The following BTAF1 variants were observed in gnomAD, a reference collection of about 807,000 sequenced individuals.
The protein encoded by BTAF1 is B-TFIID TATA-box binding protein associated factor 1, also known as TATA-binding protein-associated factor 172.
BTAF1 carries 38 observed loss-of-function variants against 227.1 expected under a neutral mutation model. The observed-to-expected ratio is 0.17, with a 90% CI of 0.13 to 0.22. BTAF1 has a LOEUF of 0.22. BTAF1 is among the 10% of genes least tolerant of loss of function. BTAF1 has a pLI of 1.00. For synonymous variants in BTAF1, 742 were observed against 751.9 expected, an observed-to-expected ratio of 0.99 and a Z score of 0.21; for missense variants, 1,598 against 2,204.0, an observed-to-expected ratio of 0.73 and a Z score of 5.51.
intron 33 of BTAF1, 34 bp downstream of exon 33, chr10:92,016,499 G>A: frequency 7.0e-7 from 1 of 1,422,814 alleles, no homozygotes; most frequent in Non-Finnish European, 9.4e-7. Flanking sequence ...TTTTTTTTGA[G>A]ATGGAATTTC....
intron 4 of BTAF1, among the ~76,000 whole-genome samples, chr10:91,950,153 G>A (rs796167824): frequency 3.3e-5 from 3 of 89,968 alleles, no homozygotes; most frequent in Admixed American, 1.2e-4. Flanking sequence ...CTTTGTGGGG[G>A]GGGGCGGGAA....
chr10:91,925,312 C>T (rs1843748726), intron 1 of BTAF1, among the ~76,000 whole-genome samples: 2 of 152,006 alleles, frequency 1.3e-5, no homozygotes, highest in South Asian at 4.1e-4. Context: ...TAATTTGTTA[C>T]CTCCCATATA....
chr10:91,956,236 T>C (rs1309895732), intron 6 of BTAF1, among the ~76,000 whole-genome samples: 2 of 152,118 alleles, frequency 1.3e-5, no homozygotes, highest in Non-Finnish European at 2.9e-5. Context: ...ATGAGCTGAT[T>C]GTAGAGAGGA....
At position 91,984,377 on chromosome 10, in the gene BTAF1, T is replaced by G. The variant is rs1410211686; in HGVS notation, c.2400T>G (p.Val800=). ...TTGGTAATCGAGTAAACAACAATGT[T>G]TTAACAATAGATCAAGCTAGTGACT... is the stretch of plus-strand genomic sequence containing the variant. ...IEVGNRVNNN[V]LTIDQASDLV... The change falls in exon 19 of 38, where the codon GTT becomes GTG. Residue 800 remains valine (V), a synonymous_variant. Coordinates refer to ENST00000265990, the MANE Select transcript of BTAF1 (RefSeq NM_003972.3). 1 of 1,611,818 alleles carries G rather than the reference T, an allele frequency of 6.2e-7. No individual in the cohort carries two copies. Among genetic ancestry groups the G allele is most frequent in the Admixed American group, 1.7e-5 (1 of 59,890 alleles).
At chr10:91,956,378 A>T in intron 6 of BTAF1, 150 bp from the exon 7 acceptor site, 4 of 1,017,954 alleles carry the variant, frequency 3.9e-6, no homozygotes, top group Non-Finnish European at 5.4e-6. Flanking sequence ...TTTTAAGTAA[A>T]TCATATAAGC....
chr10:92,026,220 C>T (rs966499934), intron 35 of BTAF1, among the ~76,000 whole-genome samples: 3 of 152,096 alleles, frequency 2.0e-5, no homozygotes, highest in African/African-American at 7.2e-5. Context: ...CACCTTCTGT[C>T]GTCCCTGAAT....
At chr10:91,998,530 G>C (rs946633865) in intron 25 of BTAF1, among the ~76,000 whole-genome samples, 2 of 152,116 alleles carry the variant, frequency 1.3e-5, no homozygotes, top group African/African-American at 4.8e-5. Flanking sequence ...GTACATTCAT[G>C]GGGGCACAAA....
intron 3 of BTAF1, among the ~76,000 whole-genome samples, chr10:91,941,016 C>T (rs1395438464): frequency 6.6e-6 from 1 of 152,132 alleles, no homozygotes; most frequent in African/African-American, 2.4e-5. Context: ...GGCCTCAACT[C>T]CCTTTAATAA....
intron 19 of BTAF1, among the ~76,000 whole-genome samples, chr10:91,984,691 T>A (rs1421273369): frequency 2.0e-5 from 3 of 152,150 alleles, no homozygotes; most frequent in Non-Finnish European, 4.4e-5. Context: ...CACTGCAGAG[T>A]ATAGAAAAAA....
At position 91,923,935 on chromosome 10, in the gene BTAF1, C is replaced by T; in HGVS notation, c.-142C>T. On this transcript the variant is annotated 5_prime_UTR_variant, in exon 1 of 38. Coordinates refer to ENST00000265990, the MANE Select transcript of BTAF1 (RefSeq NM_003972.3). ...GGCGGCAGGGCAGATGCCCGAGGGC[C>T]TGCGCTGGAACGCCCCACGCCGCAC... 2 of 1,083,420 alleles carry T rather than the reference C, an allele frequency of 1.8e-6. No homozygotes were observed. The highest frequency in any genetic ancestry group is 1.7e-5 in the African/African-American group (1 of 59,998). The allele number at this position is 1,083,420 out of a possible 1,614,324, so 67.1% of individuals were successfully genotyped here.
intron 19 of BTAF1, among the ~76,000 whole-genome samples, chr10:91,987,170 A>G (rs1455167981): frequency 6.9e-6 from 1 of 144,528 alleles, no homozygotes; most frequent in African/African-American, 2.6e-5. Flanking sequence ...AAATCTTGTC[A>G]GCATTTTCTT....
chr10:92,019,032 A>G, intron 34 of BTAF1, 97 bp downstream of exon 34: 2 of 1,235,030 alleles, frequency 1.6e-6, no homozygotes, highest in Admixed American at 2.9e-5. Flanking sequence ...TGTGTTTACC[A>G]TTTATTTTTA....
chr10:92,007,339 G>C (rs1395868080), intron 25 of BTAF1, among the ~76,000 whole-genome samples: 2 of 150,326 alleles, frequency 1.3e-5, no homozygotes, highest in Non-Finnish European at 3.0e-5. Context: ...CTGCCAGCGT[G>C]GGGTAGCTAG....
intron 1 of BTAF1, among the ~76,000 whole-genome samples, chr10:91,927,336 C>G (rs944298549): frequency 6.6e-6 from 1 of 152,076 alleles, no homozygotes; most frequent in Non-Finnish European, 1.5e-5. Flanking sequence ...TGGGGTTTCT[C>G]CATGTTGGTC....
At chr10:91,997,030 G>A in intron 24 of BTAF1, 1 of 1,045,100 alleles carries the variant, frequency 9.6e-7, no homozygotes, top group Non-Finnish European at 1.3e-6. Flanking sequence ...CAAGCCCTTT[G>A]CTAAGGGTAT....
At chr10:91,986,565 G>A (rs1001895146) in intron 19 of BTAF1, among the ~76,000 whole-genome samples, 1 of 151,862 alleles carries the variant, frequency 6.6e-6, no homozygotes, top group African/African-American at 2.4e-5. Flanking sequence ...TTTCCCCCTG[G>A]GTTCTCTTCT....
chr10:91,984,089 T>C, intron 18 of BTAF1, 112 bp from the exon 19 acceptor site: 1 of 881,100 alleles, frequency 1.1e-6, no homozygotes, highest in South Asian at 1.8e-5. Context: ...TAACAGAATA[T>C]AGATTCAGTA....
chr10:91,923,878 C>G lies in BTAF1; in HGVS notation c.-199C>G, dbSNP rs918279361. 1.4e-5 allele frequency: 8 copies of G among 553,262 alleles called. No individual in the cohort carries two copies. The highest frequency in any genetic ancestry group is 2.4e-5 in the Non-Finnish European group (8 of 336,994). The allele number at this position is 553,262 out of a possible 1,614,324, so 34.3% of individuals were successfully genotyped here. ...CCTCCGCTACCGTCTTGGACCCCTG[C>G]TTACCGGCCGCCGCGGGGACGAGCT... On this transcript the variant is annotated 5_prime_UTR_variant, in exon 1 of 38. Transcript: ENST00000265990.
Position 91,953,733 on chromosome 10 carries a change from T to C in BTAF1, c.565-4T>C. ...TCCAACTCAGCATTCTTTTATTCTT[T>C]TAGACTCTTCAGGCAGCTGAATTGA... On this transcript the variant is annotated splice_region_variant and splice_polypyrimidine_tract_variant and intron_variant, in intron 5 of 37. Coordinates refer to ENST00000265990, the MANE Select transcript of BTAF1 (RefSeq NM_003972.3). 6.2e-7 allele frequency: 1 copy of C among 1,612,418 alleles called. No individual in the cohort carries two copies. Among genetic ancestry groups the C allele is most frequent in the Non-Finnish European group, 8.5e-7 (1 of 1,179,574 alleles).
Sources: allele counts gnomAD v4.1 joint callset (sites outside exome capture counted in the v4.1 genomes callset), GRCh38; gene constraint gnomAD v4.1.1; transcripts MANE v1.5; gene names NCBI Gene and HGNC (gene_info 2026-07-23, HGNC 2026-07-21).